CAMKK2: variants seen among roughly 807,000 people sequenced by gnomAD.
CAMKK2 encodes calcium/calmodulin-dependent protein kinase kinase 2.
Under a neutral mutation model 67.2 loss-of-function variants are expected in CAMKK2, and 30 were observed. That is an observed-to-expected ratio of 0.45 (90% CI 0.33 to 0.61). The LOEUF (loss-of-function observed/expected upper bound fraction) is 0.61. Ranked by LOEUF, CAMKK2 falls within the 20% of genes least tolerant of loss-of-function variation. The pLI is 0.02. For synonymous variants in CAMKK2, 322 were observed against 326.2 expected, an observed-to-expected ratio of 0.99 and a Z score of 0.14; for missense variants, 643 against 802.0, an observed-to-expected ratio of 0.80 and a Z score of 2.39.
chr12:121,268,290 T>C (rs1178746365), intron 5 of CAMKK2, among the ~76,000 whole-genome samples: 1 of 151,806 alleles, frequency 6.6e-6, no homozygotes, highest in Non-Finnish European at 1.5e-5. Context: ...AGGAGTGAAA[T>C]TACTGAGTCA....
chr12:121,268,605 C>G (rs780365477), intron 5 of CAMKK2, 33 bp downstream of exon 5: 4 of 1,609,508 alleles, frequency 2.5e-6, no homozygotes, highest in Non-Finnish European at 3.4e-6. Flanking sequence ...GTCCCAGCCC[C>G]TGTACCTAAC....
At position 121,274,221 on chromosome 12, in the gene CAMKK2, T is replaced by C. The variant is rs1896350069; in HGVS notation, c.306A>G (p.Gln102=). The change falls in exon 2 of 17, where the codon CAA becomes CAG. Residue 102 remains glutamine (Q), a synonymous_variant. Coordinates refer to ENST00000404169, the MANE Select transcript of CAMKK2 (RefSeq NM_001270485.2). Reference sequence around the variant, plus strand: ...CTGCCAGCCCACCCTGGGACCGCTCTTGCAGAGACAGCTTGCGACCGGAGA... The same window carrying C: ...CTGCCAGCCCACCCTGGGACCGCTCCTGCAGAGACAGCTTGCGACCGGAGA... ...PHLSGRKLSL[Q]ERSQGGLAAG... The C allele has an allele frequency of 6.2e-7, 1 of 1,608,676 alleles. No individual in the cohort carries two copies. Among genetic ancestry groups the C allele is most frequent in the African/African-American group, 1.3e-5 (1 of 74,932 alleles).
At chr12:121,241,554 G>T (rs915284437) in intron 16 of CAMKK2, among the ~76,000 whole-genome samples, 102 of 152,240 alleles carry the variant, frequency 6.7e-4, no homozygotes, top group African/African-American at 2.4e-3. Context: ...CGTGACAGGT[G>T]CGAGGGGAAT....
intron 2 of CAMKK2, among the ~76,000 whole-genome samples, chr12:121,272,866 C>G (rs1274015141): frequency 6.6e-6 from 1 of 152,122 alleles, no homozygotes; most frequent in Non-Finnish European, 1.5e-5. Context: ...CAGCAACCCT[C>G]TGTCTCAACA....
intron 9 of CAMKK2, among the ~76,000 whole-genome samples, chr12:121,254,301 T>C (rs1188132060): frequency 6.6e-6 from 1 of 151,520 alleles, no homozygotes; most frequent in Non-Finnish European, 1.5e-5. Context: ...CTACAAAAAA[T>C]ACAAAAATTA....
chr12:121,253,142 A>G lies in CAMKK2; in HGVS notation c.1107+131T>C. The G allele has an allele frequency of 1.3e-6, 1 of 759,688 alleles. No homozygotes were observed. Among genetic ancestry groups the G allele is most frequent in the Non-Finnish European group, 2.2e-6 (1 of 453,536 alleles). 47.1% of individuals were successfully genotyped at this position (759,688 alleles called of 1,614,324 possible). On this transcript the variant is annotated intron_variant, in intron 10 of 16. Transcript: ENST00000404169. The surrounding 1 kb of genome is among the most constrained non-coding windows in gnomAD (Gnocchi z 5.0). ...GAGTCCCTGGATCTAGCCAAGCCTG[A>G]AGCCTACCCCTCAGTATCTTGATCC...
rs201257798 is a variant in CAMKK2, at chr12:121,244,597, T to A, written c.1572A>T (p.Glu524Asp). 1.9e-6 allele frequency: 3 copies of A among 1,564,764 alleles called. No individual in the cohort carries two copies. The highest frequency in any genetic ancestry group is 1.2e-5 in the South Asian group (1 of 85,110). ...CCTTGAGCTCAGACAGGGACTCACA[T>A]TCCCTGGTTGGTTTTTTGCTGGAAT... ...GNLLTKKPTR[E>D]CESLSELKEA... is the part of the protein sequence containing the mutation. The change falls in exon 16 of 17, where the codon GAA (glutamate) becomes GAT (aspartate). Residue 524 changes from glutamate (E) to aspartate (D), a missense_variant. Coordinates refer to ENST00000404169, the MANE Select transcript of CAMKK2 (RefSeq NM_001270485.2).
Position 121,248,517 on chromosome 12 carries a change from G to A in CAMKK2, c.1452+89C>T, listed in dbSNP as rs192236738. The A allele has an allele frequency of 7.3e-5, 111 of 1,521,382 alleles. 1 individual carries two copies. The highest frequency in any genetic ancestry group is 1.7e-4 in the Middle Eastern group (1 of 5,758). The allele number at this position is 1,521,382 out of a possible 1,614,324, so 94.2% of individuals were successfully genotyped here. A position where few individuals can be genotyped will look rare whatever the true frequency, so the allele number is the denominator to read the frequency against. On this transcript the variant is annotated intron_variant, in intron 14 of 16. Coordinates refer to ENST00000404169, the MANE Select transcript of CAMKK2 (RefSeq NM_001270485.2). ...GGTGGCCCCCGGACATCTGACTCCC[G>A]GGCACCCGCCTGTGTCCGGCCTGTC...
intron 2 of CAMKK2, among the ~76,000 whole-genome samples, chr12:121,273,105 A>G (rs1896083598): frequency 1.3e-5 from 2 of 152,118 alleles, no homozygotes; most frequent in African/African-American, 4.8e-5. Context: ...CGCACAGATA[A>G]TCAGATGCTG....
At chr12:121,243,914 C>G in intron 16 of CAMKK2, 1 of 1,416,288 alleles carries the variant, frequency 7.1e-7, no homozygotes, top group African/African-American at 1.4e-5. Flanking sequence ...GCAGTGGGGT[C>G]CCCACCCACC....
rs764417771 is a variant in CAMKK2, at chr12:121,240,830, C to T, written c.1636G>A (p.Ala546Thr). ...QRRQPPGHRP[A>T]PRGGGGSALV... is the part of the protein sequence containing the mutation. The stretch of plus-strand genomic sequence containing the variant: ...GCACTTCCTCCTCCCCCACGGGGGG[C>T]GGGTCGGTGCCCTGGAGGTTGTCTT... Residue 546 changes from alanine to threonine, a missense_variant, in exon 17 of 17, where the codon GCC (alanine) becomes ACC (threonine). This residue lies in a region of CAMKK2 where 140 missense variants were observed against 124.2 expected (regional missense o/e 1.13). Transcript: ENST00000404169. The surrounding 1 kb of genome is among the most constrained non-coding windows in gnomAD (Gnocchi z 4.4). 3 of 1,612,044 alleles carry T rather than the reference C, an allele frequency of 1.9e-6. No homozygotes were observed. The highest frequency in any genetic ancestry group is 1.1e-5 in the South Asian group (1 of 91,040).
rs933943828 is a variant in CAMKK2 at position 121,285,014 on chromosome 12, G to A, written c.-59-10429C>T. Among the ~76,000 whole-genome samples, 3 of 152,254 alleles carry A rather than the reference G, an allele frequency of 2.0e-5. No homozygotes were observed. The highest frequency in any genetic ancestry group is 4.4e-5 in the Non-Finnish European group (3 of 68,046). ...TGTCCCAAGGCCACTCAGAAGGTCAGAAGCTTTCTTTAGCTGGCCTAGAGT... is the reference window on the plus strand; with the variant it reads ...TGTCCCAAGGCCACTCAGAAGGTCAAAAGCTTTCTTTAGCTGGCCTAGAGT... On this transcript the variant is annotated intron_variant, in intron 1 of 16. Transcript: ENST00000404169. The surrounding 1 kb of genome is among the most constrained non-coding windows in gnomAD (Gnocchi z 4.1).
At chr12:121,297,314 G>C (rs1901475546), upstream of CAMKK2, 3 of 303,310 alleles carry the variant, frequency 9.9e-6, no homozygotes, top group Non-Finnish European at 2.0e-5. Context: ...GATGCGGCCT[G>C]GACTTTGGGC....
intron 1 of CAMKK2, among the ~76,000 whole-genome samples, chr12:121,281,815 G>A (rs951386529): frequency 4.6e-5 from 7 of 152,140 alleles, no homozygotes; most frequent in South Asian, 4.1e-4. Context: ...GTGTGGTGGC[G>A]GGCGCCTGTA....
chr12:121,254,094 G>A (rs530978019), intron 9 of CAMKK2, among the ~76,000 whole-genome samples: 3 of 152,150 alleles, frequency 2.0e-5, no homozygotes, highest in East Asian at 1.9e-4. Flanking sequence ...CCGGCCCTGC[G>A]TTGTGTTTCA....
chr12:121,255,019 C>A (rs979490480), intron 9 of CAMKK2, among the ~76,000 whole-genome samples: 5 of 150,498 alleles, frequency 3.3e-5, no homozygotes, highest in African/African-American at 1.2e-4. Flanking sequence ...GTGAGACTGG[C>A]CTAGCCTCCC....
chr12:121,280,426 A>G (rs1404012845), intron 1 of CAMKK2, among the ~76,000 whole-genome samples: 1 of 152,218 alleles, frequency 6.6e-6, no homozygotes, highest in Admixed American at 6.5e-5. Flanking sequence ...CAAATTGTAC[A>G]GCATGTGTGT....
chr12:121,255,073 G>A (rs543106113), intron 9 of CAMKK2, among the ~76,000 whole-genome samples: 29 of 147,608 alleles, frequency 2.0e-4, no homozygotes, highest in Middle Eastern at 3.4e-3. Flanking sequence ...GCCCTCAAAC[G>A]TCAGACTCCA....
chr12:121,259,034 G>A (rs1245678753), intron 7 of CAMKK2, among the ~76,000 whole-genome samples: 1 of 151,882 alleles, frequency 6.6e-6, no homozygotes, highest in Non-Finnish European at 1.5e-5. Context: ...GTAGAGACGG[G>A]GTTTCGCTAT....
Sources: gnomAD v4.1 joint callset for allele counts (sites outside exome capture counted in the v4.1 genomes callset) on GRCh38, gnomAD v4.1.1 for gene constraint, gnomAD v4.1.1 regional missense constraint, Gnocchi (gnomAD v3.1) non-coding constraint, MANE v1.5 for transcripts, NCBI Gene and HGNC (gene_info 2026-07-23, HGNC 2026-07-21) for gene names.